GRAMD4: variants seen among roughly 807,000 people sequenced by gnomAD.
GRAMD4 encodes the protein GRAM domain-containing protein 4.
A neutral mutation model predicts 83.9 loss-of-function variants in GRAMD4; 25 were observed. The observed-to-expected ratio is 0.30, with a 90% CI of 0.22 to 0.42. GRAMD4 has a LOEUF of 0.42. Among genes scored for constraint, GRAMD4 ranks in the 10% least tolerant of loss-of-function variants. GRAMD4 has a pLI of 1.00. For synonymous variants in GRAMD4, 336 were observed against 320.9 expected, an observed-to-expected ratio of 1.05 and a Z score of -0.50; for missense variants, 593 against 788.7, an observed-to-expected ratio of 0.75 and a Z score of 2.97.
At chr22:46,682,317 G>C (rs1384274198), downstream of GRAMD4, 1 of 542,876 alleles carries the variant, frequency 1.8e-6, no homozygotes, top group African/African-American at 2.0e-5. Flanking sequence ...TCGCAAGCTA[G>C]GGGAAATAGC....
downstream of GRAMD4, among the ~76,000 whole-genome samples, chr22:46,680,777 TCCAC>T (rs2082664271): frequency 1.3e-5 from 1 of 76,618 alleles, no homozygotes; most frequent in Non-Finnish European, 2.4e-5. Flanking sequence ...CATCCATCCA[TCCAC>T]CCACCCACCT....
upstream of GRAMD4, among the ~76,000 whole-genome samples, chr22:46,616,715 C>T (rs1460233634): frequency 2.2e-4 from 22 of 101,302 alleles, no homozygotes; most frequent in African/African-American, 3.1e-4. Context: ...TAGGTTCCCC[C>T]GTGCGTGTAG....
intron 2 of GRAMD4, among the ~76,000 whole-genome samples, chr22:46,631,072 A>T (rs1203068779): frequency 2.6e-5 from 4 of 152,238 alleles, no homozygotes; most frequent in Admixed American, 1.3e-4. Context: ...GAGTGGCTGT[A>T]GGTTGCACGG....
At chr22:46,590,199 G>A (rs938760883) in intron 1 of GRAMD4, among the ~76,000 whole-genome samples, 11 of 152,200 alleles carry the variant, frequency 7.2e-5, no homozygotes, top group African/African-American at 2.7e-4. Context: ...TGTGCCCTGC[G>A]TGCCTCCTGC....
chr22:46,607,274 A>G (rs573182683), intron 1 of GRAMD4, among the ~76,000 whole-genome samples: 4 of 152,310 alleles, frequency 2.6e-5, no homozygotes, highest in African/African-American at 9.6e-5. Flanking sequence ...CAGCAAACCA[A>G]CATGGCACGT....
Position 46,663,148 on chromosome 22 carries a change from C to A in GRAMD4, c.575C>A (p.Thr192Lys). The change falls in exon 6 of 19, where the codon ACA (threonine) becomes AAA (lysine). Residue 192 changes from threonine to lysine, a missense_variant. Thr to Lys is a moderately conservative substitution (Grantham distance 78, BLOSUM62 -1). Transcript: ENST00000406902. ...CAGCCCGAGGAGAACACTGTGGAGACAGAGGAACCCCTGAGCGCCCGCAGG... is the reference window on the plus strand; with the variant it reads ...CAGCCCGAGGAGAACACTGTGGAGAAAGAGGAACCCCTGAGCGCCCGCAGG... ...RFQPEENTVE[T>K]EEPLSARRLT... 1.2e-6 allele frequency: 2 copies of A among 1,612,226 alleles called. No homozygotes were observed. Among genetic ancestry groups the A allele is most frequent in the Non-Finnish European group, 1.7e-6 (2 of 1,179,550 alleles).
chr22:46,596,122 G>A (rs774177394), intron 1 of GRAMD4, among the ~76,000 whole-genome samples: 19 of 152,358 alleles, frequency 1.2e-4, no homozygotes, highest in Non-Finnish European at 2.1e-4. Context: ...CACCATGACG[G>A]GAGGTCAGAG....
intron 8 of GRAMD4, among the ~76,000 whole-genome samples, 194 bp from the exon 9 acceptor site, chr22:46,665,421 G>A (rs1483220703): frequency 1.3e-5 from 2 of 152,196 alleles, no homozygotes; most frequent in East Asian, 1.9e-4. Context: ...GGCTTCCACC[G>A]GCGGCTCTTA....
rs1412172219 is a variant in GRAMD4 at position 46,672,809 on chromosome 22, T to G, written c.1085-34T>G. 6.3e-7 allele frequency: 1 copy of G among 1,578,688 alleles called. No homozygotes were observed. On this transcript the variant is annotated intron_variant, in intron 13 of 18. Coordinates refer to ENST00000406902, the MANE Select transcript of GRAMD4 (RefSeq NM_015124.5). This position sits in a 1 kb window ranked among gnomAD's most constrained non-coding sequence, Gnocchi z 4.7. Reference sequence around the variant, plus strand: ...GAGTAGACTGGCATAGCTGCAGAGCTCTAGATGGAGCAGGCTGTGTCCCCT... The same window carrying G: ...GAGTAGACTGGCATAGCTGCAGAGCGCTAGATGGAGCAGGCTGTGTCCCCT...
At chr22:46,584,922 G>T (rs769340466) in intron 1 of GRAMD4, among the ~76,000 whole-genome samples, 7 of 152,242 alleles carry the variant, frequency 4.6e-5, no homozygotes, top group Non-Finnish European at 1.0e-4. Context: ...TTAGAGCTCA[G>T]ACAAATCTCC....
At chr22:46,605,109 T>C (rs113142785) in intron 1 of GRAMD4, among the ~76,000 whole-genome samples, 16 of 121,326 alleles carry the variant, frequency 1.3e-4, no homozygotes, top group African/African-American at 3.1e-4. Flanking sequence ...TAATGTTCTC[T>C]GGGTTCACCC....
chr22:46,680,841 T>G (rs1479826237), downstream of GRAMD4, among the ~76,000 whole-genome samples: 10 of 92,136 alleles, frequency 1.1e-4, no homozygotes, highest in East Asian at 1.4e-3. Flanking sequence ...CATCCATCCA[T>G]CCATCCATCT....
Position 46,677,547 on chromosome 22 carries a change from A to T in GRAMD4, c.*296A>T. ...GGGGCCCGTGGAGAAGACACACAGGACCCCTGGCCCTGCCCTTCTCCGTTC... is the reference window on the plus strand; with the variant it reads ...GGGGCCCGTGGAGAAGACACACAGGTCCCCTGGCCCTGCCCTTCTCCGTTC... On this transcript the variant is annotated 3_prime_UTR_variant, in exon 19 of 19. Coordinates refer to ENST00000406902, the MANE Select transcript of GRAMD4 (RefSeq NM_015124.5). 1.7e-6 allele frequency: 2 copies of T among 1,162,566 alleles called. No individual in the cohort carries two copies. The highest frequency in any genetic ancestry group is 1.1e-6 in the Non-Finnish European group (1 of 938,102). The allele number at this position is 1,162,566 out of a possible 1,614,324, so 72.0% of individuals were successfully genotyped here.
At chr22:46,613,207 A>G (rs565828477) in intron 1 of GRAMD4, among the ~76,000 whole-genome samples, 53 of 152,298 alleles carry the variant, frequency 3.5e-4, no homozygotes, top group Non-Finnish European at 5.3e-4. Flanking sequence ...GAGTCCTTCC[A>G]GCACTCTCAT....
At chr22:46,578,464 A>T (rs2147885863) in intron 1 of GRAMD4, among the ~76,000 whole-genome samples, 1 of 152,204 alleles carries the variant, frequency 6.6e-6, no homozygotes, top group African/African-American at 2.4e-5. Context: ...GGGGCAGGTA[A>T]GAGGATCGAA....
In GRAMD4 at chr22:46,622,974, A is replaced by G. The variant is rs1445102750; in HGVS notation, c.-50+2409A>G. On this transcript the variant is annotated intron_variant, in intron 1 of 18. Transcript: ENST00000406902. The surrounding 1 kb of genome is among the most constrained non-coding windows in gnomAD (Gnocchi z 4.0). ...ATTTATATTATGTGTGTTTTACCGT[A>G]ATTAAAAAATATTGTGGGAAAAGAA... Among the ~76,000 whole-genome samples the G allele has an allele frequency of 6.6e-6, 1 of 151,998 alleles. No individual in the cohort carries two copies. The highest frequency in any genetic ancestry group is 1.5e-5 in the Non-Finnish European group (1 of 68,018).
At chr22:46,675,610 G>T in intron 17 of GRAMD4, 58 bp downstream of exon 17, 2 of 1,110,046 alleles carry the variant, frequency 1.8e-6, no homozygotes, top group Non-Finnish European at 2.8e-6. Flanking sequence ...CCTGACAGAG[G>T]CTGGCGAGGC....
chr22:46,599,891 G>T (rs548321073), intron 1 of GRAMD4, among the ~76,000 whole-genome samples: 1 of 152,148 alleles, frequency 6.6e-6, no homozygotes, highest in Non-Finnish European at 1.5e-5. Context: ...CTTTCCCCAC[G>T]TGGGGACTCC....
intron 13 of GRAMD4, among the ~76,000 whole-genome samples, chr22:46,669,110 A>G (rs1187535941): frequency 6.6e-6 from 1 of 152,008 alleles, no homozygotes; most frequent in Non-Finnish European, 1.5e-5. Flanking sequence ...TTAAATCAAG[A>G]AGCCCTCCAC....
Sources: allele counts gnomAD v4.1 joint callset (sites outside exome capture counted in the v4.1 genomes callset), GRCh38; gene constraint gnomAD v4.1.1; non-coding constraint Gnocchi (gnomAD v3.1); transcripts MANE v1.5; gene names NCBI Gene and HGNC (gene_info 2026-07-23, HGNC 2026-07-21).